Variants in MKLN1 observed in about 807,000 individuals in gnomAD.
MKLN1 encodes the protein muskelin.
MKLN1 carries 18 observed loss-of-function variants against 99.0 expected under a neutral mutation model. The ratio of observed to expected loss-of-function variants is 0.18; its 90% CI spans 0.13 to 0.27. The LOEUF (loss-of-function observed/expected upper bound fraction) is 0.27. Ranked by LOEUF, MKLN1 falls within the 10% of genes least tolerant of loss-of-function variation. The pLI, the probability that MKLN1 is intolerant of heterozygous loss-of-function variation, is 1.00. For synonymous variants in MKLN1, 288 were observed against 293.2 expected (o/e 0.98, Z 0.18); for missense variants, 621 against 875.9 (o/e 0.71, Z 3.67).
rs548132649 is a variant in MKLN1, at chr7:131,276,280, A to G, written c.-179+73306A>G. On this transcript the variant is annotated intron_variant, in intron 3 of 7. Transcript: ENST00000416992. Reference sequence around the variant, plus strand: ...AGGTTGGGAGAAAAATGTTGGGGAGAGAGGGAGAGCTAGGGTGGAGTCATC... The same window carrying G: ...AGGTTGGGAGAAAAATGTTGGGGAGGGAGGGAGAGCTAGGGTGGAGTCATC... Among the ~76,000 whole-genome samples the G allele has an allele frequency of 2.5e-3, 387 of 152,224 alleles. 3 individuals are homozygous for G. Among genetic ancestry groups the G allele is most frequent in the African/African-American group, 8.9e-3 (371 of 41,528 alleles).
chr7:131,342,699 C>A (rs1381100365), intron 1 of MKLN1, among the ~76,000 whole-genome samples: 1 of 152,144 alleles, frequency 6.6e-6, no homozygotes, highest in African/African-American at 2.4e-5. Flanking sequence ...AAAATAGTTT[C>A]TTCCAGAGCT....
intron 3 of MKLN1, among the ~76,000 whole-genome samples, chr7:131,275,665 A>C (rs1357402266): frequency 2.1e-5 from 3 of 143,618 alleles, no homozygotes; most frequent in African/African-American, 7.7e-5. Flanking sequence ...TCCTGGCCTC[A>C]AGTGATCCGC....
chr7:131,145,825 A>C (rs1037277068), intron 2 of MKLN1, among the ~76,000 whole-genome samples: 2 of 152,238 alleles, frequency 1.3e-5, no homozygotes, highest in African/African-American at 4.8e-5. Context: ...TAGCAGACAA[A>C]TGGACAACCA....
At chr7:131,229,515 G>A (rs1455352200) in intron 3 of MKLN1, among the ~76,000 whole-genome samples, 1 of 146,796 alleles carries the variant, frequency 6.8e-6, no homozygotes, top group East Asian at 2.0e-4. Flanking sequence ...GAGAATAGAT[G>A]GTCAATGTCT....
chr7:131,325,259 T>A (rs1033234413), upstream of MKLN1, among the ~76,000 whole-genome samples: 2 of 152,032 alleles, frequency 1.3e-5, no homozygotes, highest in Non-Finnish European at 2.9e-5. Context: ...AATTAAAATA[T>A]ATTGTGATGT....
At chr7:131,472,972 AAAAC>A (rs1796868994) in intron 16 of MKLN1, among the ~76,000 whole-genome samples, 1 of 151,724 alleles carries the variant, frequency 6.6e-6, no homozygotes, top group African/African-American at 2.4e-5. Context: ...AAAAGAAAAA[AAAAC>A]ACCATGCCCT....
At chr7:131,123,046 A>AAAAAAAAG (rs1795400367) in intron 1 of MKLN1, among the ~76,000 whole-genome samples, 2 of 149,894 alleles carry the variant, frequency 1.3e-5, no homozygotes, top group Admixed American at 1.3e-4. Flanking sequence ...AAAAAAAAAA[A>AAAAAAAAG]AAAGTGTTGC....
At chr7:131,456,230 C>A (rs1563357849) in intron 12 of MKLN1, among the ~76,000 whole-genome samples, 1 of 151,884 alleles carries the variant, frequency 6.6e-6, no homozygotes, top group South Asian at 2.1e-4. Flanking sequence ...ATTTAACCAG[C>A]CTTCATTTTT....
intron 17 of MKLN1, among the ~76,000 whole-genome samples, chr7:131,483,628 C>G (rs1174273238): frequency 6.6e-6 from 1 of 152,126 alleles, no homozygotes; most frequent in Non-Finnish European, 1.5e-5. Context: ...GGCCTTTTTG[C>G]ACTTAGGAAT....
chr7:131,359,182 A>C (rs1799959008), intron 1 of MKLN1, among the ~76,000 whole-genome samples: 1 of 151,970 alleles, frequency 6.6e-6, no homozygotes, highest in Non-Finnish European at 1.5e-5. Context: ...CATTCCTTTC[A>C]CTGTATCCCA....
intron 3 of MKLN1, among the ~76,000 whole-genome samples, chr7:131,308,700 C>T (rs1798507974): frequency 6.6e-6 from 1 of 152,142 alleles, no homozygotes; most frequent in African/African-American, 2.4e-5. Flanking sequence ...ATTCTCCTGC[C>T]TCAGCCTCCT....
intron 11 of MKLN1, among the ~76,000 whole-genome samples, chr7:131,444,452 T>C (rs1795935209): frequency 6.6e-6 from 1 of 152,028 alleles, no homozygotes; most frequent in Non-Finnish European, 1.5e-5. Flanking sequence ...CTTTGGCTAG[T>C]AGGAGCACCC....
At chr7:131,169,322 C>T (rs926976457) in intron 2 of MKLN1, among the ~76,000 whole-genome samples, 1 of 152,158 alleles carries the variant, frequency 6.6e-6, no homozygotes, top group African/African-American at 2.4e-5. Flanking sequence ...ATAATTCAAT[C>T]TGAAACTCGT....
intron 4 of MKLN1, among the ~76,000 whole-genome samples, chr7:131,391,008 T>C (rs1794182409): frequency 6.6e-6 from 1 of 152,170 alleles, no homozygotes; most frequent in African/African-American, 2.4e-5. Context: ...TCTTAAAATA[T>C]GTTAATACCG....
intron 1 of MKLN1, among the ~76,000 whole-genome samples, chr7:131,137,928 T>A (rs1290471921): frequency 1.6e-4 from 6 of 38,032 alleles, no homozygotes; most frequent in Admixed American, 1.4e-3. Context: ...TTCTTTACTT[T>A]TTTTTTTTTT....
chr7:131,160,492 AATTATTATTATTATTATT>A (rs60725549), intron 2 of MKLN1, among the ~76,000 whole-genome samples: 2,934 of 138,966 alleles, frequency 0.021, 103 homozygotes, highest in African/African-American at 0.073. Context: ...TATTATTATT[AATTATTATTATTATTATT>A]ATTATTATTA....
intron 12 of MKLN1, among the ~76,000 whole-genome samples, chr7:131,448,299 T>C (rs1796076593): frequency 6.6e-6 from 1 of 152,222 alleles, no homozygotes; most frequent in African/African-American, 2.4e-5. Flanking sequence ...CCATGACAAG[T>C]AGGCTTTAAT....
chr7:131,253,826 G>C (rs6979264), intron 3 of MKLN1, among the ~76,000 whole-genome samples: 12,812 of 152,220 alleles, frequency 0.084, 594 homozygotes, highest in Middle Eastern at 0.13. Context: ...TGAAAAGCAA[G>C]TAAGAAGAAG....
At chr7:131,125,136 C>T (rs1795433983) in intron 1 of MKLN1, among the ~76,000 whole-genome samples, 1 of 152,158 alleles carries the variant, frequency 6.6e-6, no homozygotes, top group Admixed American at 6.5e-5. Context: ...TTTCCCAATA[C>T]AAATGACAAA....
Sources: gnomAD v4.1 joint callset for allele counts (sites outside exome capture counted in the v4.1 genomes callset) on GRCh38, gnomAD v4.1.1 for gene constraint, MANE v1.5 for transcripts, NCBI Gene and HGNC (gene_info 2026-07-23, HGNC 2026-07-21) for gene names.